Variants in REEP1 observed in about 807,000 individuals in gnomAD.
REEP1 encodes the protein receptor expression-enhancing protein 1.
Under a neutral mutation model 40.3 loss-of-function variants are expected in REEP1, and 22 were observed. That is an observed-to-expected ratio of 0.55 (90% CI 0.39 to 0.78). REEP1 has a LOEUF of 0.78. REEP1 is among the 30% of genes least tolerant of loss of function. REEP1 has a pLI of 0.00. For synonymous variants in REEP1, 116 were observed against 139.2 expected, an observed-to-expected ratio of 0.83 and a Z score of 1.17; for missense variants, 280 against 361.1, an observed-to-expected ratio of 0.78 and a Z score of 1.82.
intron 3 of REEP1, among the ~76,000 whole-genome samples, chr2:86,256,124 G>A (rs1375308192): frequency 2.6e-5 from 4 of 151,988 alleles, no homozygotes; most frequent in African/African-American, 7.3e-5. Flanking sequence ...AGAGGTGGGT[G>A]GATCACAAGG....
At chr2:86,240,660 A>T (rs1033096881) in intron 5 of REEP1, among the ~76,000 whole-genome samples, 4 of 152,092 alleles carry the variant, frequency 2.6e-5, no homozygotes, top group Admixed American at 1.3e-4. Context: ...CAGCTGCCTA[A>T]ACTTGGTTTT....
intron 5 of REEP1, among the ~76,000 whole-genome samples, chr2:86,235,284 A>C (rs573919766): frequency 6.6e-6 from 1 of 152,330 alleles, no homozygotes; most frequent in East Asian, 1.9e-4. Flanking sequence ...GCCTTGATTC[A>C]AATTCCAGCC....
upstream of REEP1, chr2:86,337,640 G>A: frequency 9.4e-7 from 1 of 1,063,512 alleles, no homozygotes. The surrounding 1 kb of genome is among the most constrained non-coding windows in gnomAD (Gnocchi z 5.8). Flanking sequence ...CGCGCCCGCC[G>A]CCCTGCCCGG....
At chr2:86,253,278 G>GC (rs1286218226) in intron 4 of REEP1, among the ~76,000 whole-genome samples, 4 of 151,846 alleles carry the variant, frequency 2.6e-5, no homozygotes, top group Non-Finnish European at 2.9e-5. Context: ...AAGATTCCGC[G>GC]CCCCCCACCC....
At chr2:86,293,801 C>T (rs1249395079) in intron 1 of REEP1, among the ~76,000 whole-genome samples, 2 of 152,148 alleles carry the variant, frequency 1.3e-5, no homozygotes, top group Admixed American at 1.3e-4. Flanking sequence ...TTAAAATCAG[C>T]CAAGTTAACA....
intron 5 of REEP1, among the ~76,000 whole-genome samples, chr2:86,248,936 G>A (rs762989696): frequency 5.3e-5 from 8 of 152,036 alleles, no homozygotes; most frequent in Non-Finnish European, 1.2e-4. Flanking sequence ...GATTGATAAG[G>A]GCTCAGCCAG....
chr2:86,302,328 A>G (rs1057207697), intron 1 of REEP1, among the ~76,000 whole-genome samples: 1 of 152,194 alleles, frequency 6.6e-6, no homozygotes, highest in East Asian at 1.9e-4. Context: ...TTTCCTCCAA[A>G]TGGAAACAAC....
chr2:86,225,719 G>C (rs897865472), intron 7 of REEP1, among the ~76,000 whole-genome samples: 3 of 152,228 alleles, frequency 2.0e-5, no homozygotes, highest in Non-Finnish European at 4.4e-5. Context: ...ATGCCTCCGC[G>C]GCACCAGGGC....
At chr2:86,238,034 A>G (rs1421696895) in intron 5 of REEP1, among the ~76,000 whole-genome samples, 1 of 152,122 alleles carries the variant, frequency 6.6e-6, no homozygotes. Context: ...ATACAAAATT[A>G]GCCAGGCATG....
chr2:86,289,643 A>G (rs940960748), intron 1 of REEP1, among the ~76,000 whole-genome samples: 2 of 152,134 alleles, frequency 1.3e-5, no homozygotes, highest in African/African-American at 4.8e-5. Context: ...CACCATCTTT[A>G]TGGTTTCAAG....
At chr2:86,237,029 C>G (rs1675395244) in intron 5 of REEP1, among the ~76,000 whole-genome samples, 1 of 152,220 alleles carries the variant, frequency 6.6e-6, no homozygotes, top group African/African-American at 2.4e-5. Flanking sequence ...CCACCGCGCC[C>G]AGCAGATTTT....
Position 86,217,057 on chromosome 2 carries a change from C to T in REEP1, c.837G>A (p.Ser279=), listed in dbSNP as rs377637314. The T allele has an allele frequency of 1.1e-5, 17 of 1,613,928 alleles. No homozygotes were observed. The highest frequency in any genetic ancestry group is 1.3e-5 in the Non-Finnish European group (15 of 1,179,936). ...SRFRKKSTSS[S]ATETT ...ATCTCACTCACGTGGTTTCGGTGGC[C>T]GAGGATGAGGTACTTTTCTTCCTGA... Residue 279 remains serine, a synonymous_variant, in exon 9 of 9, where the codon TCG becomes TCA. Transcript: ENST00000538924.
At chr2:86,307,824 A>C (rs1347519049) in intron 1 of REEP1, among the ~76,000 whole-genome samples, 3 of 152,202 alleles carry the variant, frequency 2.0e-5, no homozygotes, top group Non-Finnish European at 4.4e-5. Flanking sequence ...TGAAATACAA[A>C]ATTCTTAATA....
chr2:86,336,290 G>A (rs1343220080), intron 1 of REEP1, among the ~76,000 whole-genome samples: 2 of 152,198 alleles, frequency 1.3e-5, no homozygotes, highest in East Asian at 3.8e-4. Context: ...GAGAGGCACA[G>A]ACACTGGCTT....
Position 86,313,295 on chromosome 2 carries a change from C to CT in REEP1, c.32+24183dup, listed in dbSNP as rs201047415. Reference sequence around the variant, plus strand: ...ACCATGCCTGGCTGGTTTTTCTTTTCTTTTCTTTTTTTTTTTTTTGGTGTG... The same window carrying CT: ...ACCATGCCTGGCTGGTTTTTCTTTTCTTTTTCTTTTTTTTTTTTTTGGTGTG... On this transcript the variant is annotated intron_variant, in intron 1 of 8. Coordinates refer to ENST00000538924, the MANE Select transcript of REEP1 (RefSeq NM_001371279.1). Among the ~76,000 whole-genome samples, 1,290 of 135,128 alleles carry CT rather than the reference C, an allele frequency of 9.5e-3. 18 individuals carry two copies. Among genetic ancestry groups the CT allele is most frequent in the African/African-American group, 0.025 (893 of 36,352 alleles). 88.6% of individuals were successfully genotyped at this position (135,128 alleles called of 152,430 possible).
At chr2:86,325,135 CA>C (rs1680446817) in intron 1 of REEP1, among the ~76,000 whole-genome samples, 1 of 152,114 alleles carries the variant, frequency 6.6e-6, no homozygotes, top group Non-Finnish European at 1.5e-5. Context: ...ATAATCCCAG[CA>C]ACTTGGGAGG....
intron 1 of REEP1, among the ~76,000 whole-genome samples, chr2:86,308,296 G>A (rs1359850792): frequency 2.0e-5 from 3 of 152,188 alleles, no homozygotes; most frequent in African/African-American, 7.2e-5. Context: ...TGTGTGAATG[G>A]CACTTTTAAT....
chr2:86,300,439 C>G (rs1359788052), intron 1 of REEP1, among the ~76,000 whole-genome samples: 1 of 152,142 alleles, frequency 6.6e-6, no homozygotes, highest in Non-Finnish European at 1.5e-5. Flanking sequence ...GTAATTCCTG[C>G]TGGATACTTG....
At chr2:86,229,839 C>T (rs1299228038) in intron 6 of REEP1, among the ~76,000 whole-genome samples, 3 of 152,006 alleles carry the variant, frequency 2.0e-5, no homozygotes, top group East Asian at 1.9e-4. Flanking sequence ...CTTGAACTCC[C>T]GACCTCTGGT....
Sources: allele counts gnomAD v4.1 joint callset (sites outside exome capture counted in the v4.1 genomes callset), GRCh38; gene constraint gnomAD v4.1.1; non-coding constraint Gnocchi (gnomAD v3.1); transcripts MANE v1.5; gene names NCBI Gene and HGNC (gene_info 2026-07-23, HGNC 2026-07-21).